Variants in CLTCL1 observed in about 807,000 individuals in gnomAD.
CLTCL1 encodes clathrin heavy chain 2.
In CLTCL1, 159 loss-of-function variants were observed where a neutral mutation model predicts 190.0. The observed-to-expected ratio is 0.84, with a 90% CI of 0.74 to 0.95. CLTCL1 has a LOEUF of 0.95. CLTCL1 is among the 40% of genes least tolerant of loss of function. The pLI is 0.00. For synonymous variants in CLTCL1, 752 were observed against 769.6 expected (o/e 0.98, Z 0.38); for missense variants, 1,878 against 2,033.4 (o/e 0.92, Z 1.47).
rs782187613 is a variant in CLTCL1 at position 19,233,543 on chromosome 22, T to C, written c.1247A>G (p.Gln416Arg). 6.2e-7 allele frequency: 1 copy of C among 1,613,998 alleles called. No individual in the cohort carries two copies. Among genetic ancestry groups the C allele is most frequent in the East Asian group, 2.2e-5 (1 of 44,892 alleles). ...AQSGQASPLLQYFGILLDQGQ... is the reference protein window; with the variant it reads ...AQSGQASPLLRYFGILLDQGQ... ...CTGGTCGAGCAGGATTCCGAAGTAC[T>C]GCAGCAATGGAGAAGCCTGGCCAGA... The change falls in exon 8 of 33, where the codon CAG becomes CGG. Residue 416 changes from glutamine to arginine, a missense_variant. By Grantham distance (43) the Gln-to-Arg change is conservative. Transcript: ENST00000427926.
chr22:19,230,096 TG>T (rs782655115), intron 10 of CLTCL1, 121 bp from the exon 11 acceptor site: 1 of 757,842 alleles, frequency 1.3e-6, no homozygotes, highest in Non-Finnish European at 1.8e-6. Context: ...TTCCCTCCCT[TG>T]GTTTTTTTTT....
At chr22:19,221,300 C>G (rs1176794540) in intron 17 of CLTCL1, 77 bp downstream of exon 17, 16 of 1,128,086 alleles carry the variant, frequency 1.4e-5, no homozygotes, top group African/African-American at 3.1e-5. Context: ...CCCTGATCAG[C>G]TCCCCACAGG....
chr22:19,258,697 C>A, intron 2 of CLTCL1: 1 of 675,736 alleles, frequency 1.5e-6, no homozygotes, highest in Admixed American at 1.9e-5. Context: ...CTTGGTGAGG[C>A]CCTAGACAGC....
At chr22:19,199,434 G>C (rs2058426446) in intron 24 of CLTCL1, among the ~76,000 whole-genome samples, 1 of 152,132 alleles carries the variant, frequency 6.6e-6, no homozygotes, top group Non-Finnish European at 1.5e-5. Context: ...ACCCTCCAAG[G>C]GTTGTTCCCG....
chr22:19,276,936 C>T (rs192480548), intron 1 of CLTCL1, among the ~76,000 whole-genome samples: 11 of 152,120 alleles, frequency 7.2e-5, no homozygotes, highest in South Asian at 6.2e-4. Context: ...CCTCCCAAAG[C>T]GCTGGGATTA....
In CLTCL1 at chr22:19,201,481, A is replaced by G. The variant is rs1555939492; in HGVS notation, c.3613T>C (p.Cys1205Arg). 1 of 1,613,168 alleles carries G rather than the reference A, an allele frequency of 6.2e-7. No individual in the cohort carries two copies. ...NAHIQQVGDR[C>R]YEEGMYEAAK... is the part of the protein sequence containing the mutation. ...GCCTCGTACATTCCCTCCTCGTAAC[A>G]GCGGTCTCCAACCTACGGATAATAG... The change falls in exon 23 of 33, where the codon TGT becomes CGT. Residue 1205 changes from cysteine (C) to arginine (R), a missense_variant. Physicochemically the swap from Cys to Arg is radical, Grantham distance 180. Coordinates refer to ENST00000427926, the MANE Select transcript of CLTCL1 (RefSeq NM_007098.4).
At chr22:19,232,973 C>A (rs1409626252) in intron 9 of CLTCL1, among the ~76,000 whole-genome samples, 193 bp downstream of exon 9, 1 of 152,062 alleles carries the variant, frequency 6.6e-6, no homozygotes, top group East Asian at 1.9e-4. Flanking sequence ...GATGGAAGGA[C>A]TGGAAAACTA....
intron 1 of CLTCL1, among the ~76,000 whole-genome samples, chr22:19,280,835 A>C (rs1257468099): frequency 1.3e-5 from 2 of 151,186 alleles, no homozygotes; most frequent in Non-Finnish European, 2.9e-5. Flanking sequence ...AAAAAAAAAA[A>C]AAAAGACAGT....
At chr22:19,210,292 G>T in intron 20 of CLTCL1, 34 bp downstream of exon 20, 1 of 1,601,008 alleles carries the variant, frequency 6.2e-7, no homozygotes. Flanking sequence ...GGCAGAAGGT[G>T]CTAGGTCCGA....
chr22:19,273,904 C>A (rs1161920519), intron 2 of CLTCL1, among the ~76,000 whole-genome samples: 1 of 152,128 alleles, frequency 6.6e-6, no homozygotes, highest in Non-Finnish European at 1.5e-5. Flanking sequence ...CAACAGTAAA[C>A]CCACCTTCTT....
rs782739320 is a variant in CLTCL1 at position 19,201,338 on chromosome 22, C to T, written c.3756G>A (p.Thr1252=). 3.6e-5 allele frequency: 58 copies of T among 1,611,026 alleles called. No individual in the cohort carries two copies. The highest frequency in any genetic ancestry group is 4.3e-5 in the Non-Finnish European group (51 of 1,178,980). ...DNSRKASSTR[T]WKEVCFACMD... is the part of the protein sequence containing the mutation. ...GTTGCCCGCAGCTCACCTCCTTCCA[C>T]GTCCGGGTGCTGCTGGCCTTGCGGC... The change falls in exon 23 of 33, where the codon ACG becomes ACA. Residue 1252 remains threonine (T), a synonymous_variant. Transcript: ENST00000427926.
At chr22:19,217,386 A>T (rs5748049) in intron 18 of CLTCL1, among the ~76,000 whole-genome samples, 19,620 of 151,880 alleles carry the variant, frequency 0.13, 1,635 homozygotes, top group African/African-American at 0.23. Flanking sequence ...GGAGGCCAAG[A>T]CGGGCAGATC....
intron 2 of CLTCL1, among the ~76,000 whole-genome samples, chr22:19,272,983 C>T (rs1423732789): frequency 6.6e-6 from 1 of 152,092 alleles, no homozygotes; most frequent in African/African-American, 2.4e-5. Flanking sequence ...TTCACGAGCC[C>T]CTTTCCAATC....
chr22:19,201,389 A>C lies in CLTCL1; in HGVS notation c.3705T>G (p.Gly1235=). 1 of 1,613,790 alleles carries C rather than the reference A, an allele frequency of 6.2e-7. No individual in the cohort carries two copies. The stretch of plus-strand genomic sequence containing the variant: ...TGTTGTCCACTGCTGCCTGATACTC[A>C]CCGAGGTGAACCAAGGTGGAAGCCA... The part of the protein sequence containing the change: ...ARLASTLVHL[G]EYQAAVDNSR... The change falls in exon 23 of 33, where the codon GGT becomes GGG. Residue 1235 remains glycine (G), a synonymous_variant. Coordinates refer to ENST00000427926, the MANE Select transcript of CLTCL1 (RefSeq NM_007098.4).
chr22:19,188,190 G>C (rs1555929467), intron 27 of CLTCL1, 99 bp from the exon 28 acceptor site: 2 of 1,061,352 alleles, frequency 1.9e-6, no homozygotes, highest in Non-Finnish European at 2.9e-6. Flanking sequence ...CCACTTGAAT[G>C]GTCCAGCTCT....
chr22:19,268,141 C>A (rs782388774), intron 2 of CLTCL1, among the ~76,000 whole-genome samples: 16 of 152,142 alleles, frequency 1.1e-4, no homozygotes, highest in Non-Finnish European at 2.2e-4. Context: ...CATGTTCTCA[C>A]AAAAGAGCTT....
chr22:19,286,527 T>C (rs1555990218), intron 1 of CLTCL1, among the ~76,000 whole-genome samples: 1 of 152,180 alleles, frequency 6.6e-6, no homozygotes, highest in Non-Finnish European at 1.5e-5. Flanking sequence ...GATAGCTACA[T>C]AATGGCAACA....
intron 29 of CLTCL1, among the ~76,000 whole-genome samples, chr22:19,186,373 T>C (rs956607117): frequency 4.6e-5 from 7 of 152,060 alleles, no homozygotes; most frequent in East Asian, 1.9e-4. Flanking sequence ...AGGATGTTAA[T>C]GCCTTCAGGG....
Position 19,221,957 on chromosome 22 carries a change from CTT to C in CLTCL1, c.2553_2554del (p.Arg852LysfsTer2), listed in dbSNP as rs1157669203. On this transcript the variant is annotated frameshift_variant, in exon 16 of 33. Transcript: ENST00000427926. LOFTEE classifies it high-confidence loss of function. ...CCAAGTAAGGACACCTTACCTATTT[CTT>C]TTTTCTACTTCAGCCACCAACTCAT... The C allele has an allele frequency of 1.2e-6, 2 of 1,613,734 alleles. No homozygotes were observed. The highest frequency in any genetic ancestry group is 1.7e-6 in the Non-Finnish European group (2 of 1,179,866).
Sources: gnomAD v4.1 joint callset for allele counts (sites outside exome capture counted in the v4.1 genomes callset) on GRCh38, gnomAD v4.1.1 for gene constraint, MANE v1.5 for transcripts, NCBI Gene and HGNC (gene_info 2026-07-23, HGNC 2026-07-21) for gene names.